Variants in KNOP1 observed in about 807,000 individuals in gnomAD.
The protein encoded by KNOP1 is lysine-rich nucleolar protein 1.
Under a neutral mutation model 30.6 loss-of-function variants are expected in KNOP1, and 20 were observed. The observed-to-expected ratio is 0.65, with a 90% CI of 0.46 to 0.95. KNOP1 has a LOEUF of 0.95. KNOP1 is among the 40% of genes least tolerant of loss of function. KNOP1 has a pLI of 0.00. For synonymous variants in KNOP1, 204 were observed against 210.0 expected, an observed-to-expected ratio of 0.97 and a Z score of 0.25; for missense variants, 540 against 562.0, an observed-to-expected ratio of 0.96 and a Z score of 0.40.
intron 4 of KNOP1, chr16:19,710,207 G>A (rs1050835498): frequency 6.7e-6 from 3 of 446,314 alleles, no homozygotes; most frequent in Admixed American, 3.4e-5. Context: ...GCAAGAGCTC[G>A]CTGGAATGTG....
intron 1 of KNOP1, chr16:19,716,607 G>C (rs182180533): frequency 1.3e-5 from 2 of 152,330 alleles, no homozygotes; most frequent in East Asian, 3.9e-4. Flanking sequence ...AGTTAGGAAT[G>C]TATGGGTGGT....
intron 4 of KNOP1, among the ~76,000 whole-genome samples, chr16:19,708,526 T>C (rs1440528372): frequency 1.3e-5 from 2 of 151,956 alleles, no homozygotes; most frequent in Non-Finnish European, 2.9e-5. Flanking sequence ...TACGTCAGAT[T>C]TGACACCAAA....
At chr16:19,708,630 C>A (rs1654464825) in intron 4 of KNOP1, among the ~76,000 whole-genome samples, 1 of 152,196 alleles carries the variant, frequency 6.6e-6, no homozygotes, top group South Asian at 2.1e-4. Context: ...TCGACGCTGC[C>A]TGGGAACTTC....
At position 19,706,966 on chromosome 16, in the gene KNOP1, TG is replaced by T. The variant is rs752825616; in HGVS notation, c.1320del (p.Asn441ThrfsTer21). ...RGAGLGFSTA[P>X]NKIFYIDRNA... ...TTCCTGTCAATGTAAAAGATCTTGT[TG>T]GGGGCGGTGGAGAAGCCGAGGCCGG... On this transcript the variant is annotated frameshift_variant, in exon 5 of 5. Transcript: ENST00000219837. LOFTEE classifies it high-confidence loss of function. 2.5e-6 allele frequency: 4 copies of T among 1,613,542 alleles called. No homozygotes were observed. In the South Asian group the frequency reaches 3.3e-5, roughly 13 times the overall value.
At chr16:19,710,383 G>T in intron 4 of KNOP1, 126 bp downstream of exon 4, 1 of 914,490 alleles carries the variant, frequency 1.1e-6, no homozygotes, top group Non-Finnish European at 1.8e-6. Context: ...CCTGCTGCAG[G>T]CTAGGGCTGC....
At position 19,714,633 on chromosome 16, in the gene KNOP1, G is replaced by T. The variant is rs763134157; in HGVS notation, c.403C>A (p.Pro135Thr). The T allele has an allele frequency of 3.1e-6, 5 of 1,613,884 alleles. No individual in the cohort carries two copies. Among genetic ancestry groups the T allele is most frequent in the Non-Finnish European group, 4.2e-6 (5 of 1,180,006 alleles). ...CTGGTTTCCTCCTCACCCTGTCTAG[G>T]GTCTGGGGAGGTTTTCACCCCAGAG... Reference protein sequence around the residue: ...HASGVKTSPDPRQGEEETRVG... With the variant: ...HASGVKTSPDTRQGEEETRVG... The change falls in exon 2 of 5, where the codon CCT becomes ACT. Residue 135 changes from proline to threonine, a missense_variant. Physicochemically the swap from Pro to Thr is conservative, Grantham distance 38. Coordinates refer to ENST00000219837, the MANE Select transcript of KNOP1 (RefSeq NM_001012991.3).
At chr16:19,715,413 CTTTTT>C (rs59694825) in intron 1 of KNOP1, 48 of 126,662 alleles carry the variant, frequency 3.8e-4, no homozygotes, top group African/African-American at 1.4e-3. Context: ...TTCTTTTTCT[CTTTTT>C]TTTTTTTTTT....
intron 1 of KNOP1, chr16:19,717,545 C>T (rs548759739): frequency 2.4e-4 from 239 of 985,418 alleles, no homozygotes; most frequent in Non-Finnish European, 2.8e-4. Context: ...CCCTTCTCTC[C>T]CCATCTCTTG....
chr16:19,707,144 AC>A lies in KNOP1; in HGVS notation c.1142del (p.Gly381ValfsTer44), dbSNP rs768078982. The A allele has an allele frequency of 1.7e-5, 28 of 1,613,958 alleles. No homozygotes were observed. Among genetic ancestry groups the A allele is most frequent in the Non-Finnish European group, 2.4e-5 (28 of 1,180,006 alleles). On this transcript the variant is annotated frameshift_variant, in exon 5 of 5. Transcript: ENST00000219837. LOFTEE classifies it low-confidence loss of function (END_TRUNC). ...DQKLKFLRLM[G>X]GFKNLSPSFS... ...ACGAAGGGGACAGGTTTTTGAAGCC[AC>A]CCATAAGTCTGAGAAATTTCAGTTT...
At chr16:19,708,864 G>A (rs1976559962) in intron 4 of KNOP1, among the ~76,000 whole-genome samples, 4 of 152,132 alleles carry the variant, frequency 2.6e-5, no homozygotes, top group Admixed American at 2.0e-4. Context: ...GCAGGAGACT[G>A]CTAGCTGGTC....
At chr16:19,716,202 T>C (rs1483438156) in intron 1 of KNOP1, among the ~76,000 whole-genome samples, 1 of 152,200 alleles carries the variant, frequency 6.6e-6, no homozygotes, top group Non-Finnish European at 1.5e-5. Flanking sequence ...TCCAGTGTCC[T>C]GCTCAGTGCC....
At chr16:19,716,386 G>A (rs1432876941) in intron 1 of KNOP1, 1 of 152,342 alleles carries the variant, frequency 6.6e-6, no homozygotes, top group Non-Finnish European at 1.5e-5. Flanking sequence ...AGGTCAGGGT[G>A]GTGGAGGTTG....
At position 19,704,080 on chromosome 16, in the gene KNOP1, G is replaced by T. The variant is rs549756953; in HGVS notation, c.*2830C>A. On this transcript the variant is annotated 3_prime_UTR_variant, in exon 5 of 5. Coordinates refer to ENST00000219837, the MANE Select transcript of KNOP1 (RefSeq NM_001012991.3). The stretch of plus-strand genomic sequence containing the variant: ...ACCTCTCCACAATCACCCAAAGACA[G>T]TTTTTTTTTGTTTGTTTTTGAGACA... The T allele has an allele frequency of 6.6e-6, 1 of 151,526 alleles. No individual in the cohort carries two copies. Among genetic ancestry groups the T allele is most frequent in the Admixed American group, 6.6e-5 (1 of 15,210 alleles). 9.4% of individuals were successfully genotyped at this position (151,526 alleles called of 1,614,324 possible).
Position 19,702,124 on chromosome 16 carries a change from CAG to C in KNOP1, c.*4784_*4785del, listed in dbSNP as rs982829047. The C allele has an allele frequency of 3.3e-5, 5 of 151,940 alleles. No homozygotes were observed. Among genetic ancestry groups the C allele is most frequent in the African/African-American group, 1.2e-4 (5 of 41,378 alleles). The allele number at this position is 151,940 out of a possible 1,614,324, so 9.4% of individuals were successfully genotyped here. ...TCAGCCTCCTGAGTAGCTGGGATAA[CAG>C]GAGTGCGCCACCACACCCAGCTAAT... On this transcript the variant is annotated 3_prime_UTR_variant, in exon 5 of 5. Transcript: ENST00000219837.
At chr16:19,710,465 G>A (rs771574431) in intron 4 of KNOP1, 44 bp downstream of exon 4, 2 of 1,595,810 alleles carry the variant, frequency 1.3e-6, no homozygotes, top group Non-Finnish European at 8.6e-7. Flanking sequence ...GCGTCGGGAG[G>A]CCGAGCGTGC....
At position 19,702,736 on chromosome 16, in the gene KNOP1, T is replaced by C. The variant is rs1483118316; in HGVS notation, c.*4174A>G. The stretch of plus-strand genomic sequence containing the variant: ...GCCTGGGTGCGGTGGCTCATGCCTG[T>C]AATACCAACACTTTGGGAGGCTGAG... On this transcript the variant is annotated 3_prime_UTR_variant, in exon 5 of 5. Coordinates refer to ENST00000219837, the MANE Select transcript of KNOP1 (RefSeq NM_001012991.3). 6.6e-6 allele frequency: 1 copy of C among 152,094 alleles called. No individual in the cohort carries two copies. Among genetic ancestry groups the C allele is most frequent in the East Asian group, 1.9e-4 (1 of 5,180 alleles). The allele number at this position is 152,094 out of a possible 1,614,324, so 9.4% of individuals were successfully genotyped here.
intron 3 of KNOP1, 112 bp downstream of exon 3, chr16:19,711,260 G>A: frequency 1.9e-6 from 2 of 1,056,156 alleles, no homozygotes; most frequent in Non-Finnish European, 2.9e-6. Flanking sequence ...GGCCTCTGGA[G>A]TCCCTGGTGC....
At chr16:19,712,730 C>A (rs1555511694) in intron 2 of KNOP1, among the ~76,000 whole-genome samples, 2 of 152,210 alleles carry the variant, frequency 1.3e-5, no homozygotes, top group Non-Finnish European at 2.9e-5. Context: ...CAGCCACCGG[C>A]CACACGGAAG....
chr16:19,707,613 C>T (rs1358315148), intron 4 of KNOP1, among the ~76,000 whole-genome samples: 1 of 147,274 alleles, frequency 6.8e-6, no homozygotes, highest in Non-Finnish European at 1.5e-5. Context: ...GCACTCCCCC[C>T]ACCACCCTAC....
Sources: gnomAD v4.1 joint callset for allele counts (sites outside exome capture counted in the v4.1 genomes callset) on GRCh38, gnomAD v4.1.1 for gene constraint, MANE v1.5 for transcripts, NCBI Gene and HGNC (gene_info 2026-07-23, HGNC 2026-07-21) for gene names.